ROBO2: variants seen among roughly 807,000 people sequenced by gnomAD.
ROBO2 encodes roundabout guidance receptor 2.
A neutral mutation model predicts 160.8 loss-of-function variants in ROBO2; 53 were observed. That is an observed-to-expected ratio of 0.33 (90% CI 0.26 to 0.41). The LOEUF is 0.41. Ranked by LOEUF, ROBO2 falls within the 10% of genes least tolerant of loss-of-function variation. The probability of loss-of-function intolerance (pLI) is 1.00; values close to 1 mark genes in which losing one functional copy is unlikely to be tolerated. For missense variants in ROBO2, 1,577 were observed against 1,722.4 expected, an observed-to-expected ratio of 0.92 and a Z score of 1.49; for synonymous variants, 664 against 611.7, an observed-to-expected ratio of 1.09 and a Z score of -1.26.
At chr3:77,150,757 G>T (rs1009157149) in intron 2 of ROBO2, among the ~76,000 whole-genome samples, 1 of 151,512 alleles carries the variant, frequency 6.6e-6, no homozygotes, top group African/African-American at 2.4e-5. Flanking sequence ...AAGAACACTG[G>T]CTCCCTACTT....
chr3:77,146,973 C>CA (rs2077170715), intron 2 of ROBO2, among the ~76,000 whole-genome samples: 1 of 151,660 alleles, frequency 6.6e-6, no homozygotes, highest in African/African-American at 2.4e-5. Context: ...TCTCAAAAAA[C>CA]AAAAAACAAA....
intron 2 of ROBO2, among the ~76,000 whole-genome samples, chr3:76,692,184 CA>C (rs1245896287): frequency 6.6e-6 from 1 of 152,092 alleles, no homozygotes; most frequent in Non-Finnish European, 1.5e-5. Flanking sequence ...ACTGAATGAT[CA>C]GGGGAGAGGG....
chr3:77,420,099 A>G (rs1461875215), intron 2 of ROBO2, among the ~76,000 whole-genome samples: 2 of 152,158 alleles, frequency 1.3e-5, no homozygotes, highest in Non-Finnish European at 2.9e-5. Context: ...ACATTAAAAA[A>G]AAATTCTTTA....
intron 17 of ROBO2, among the ~76,000 whole-genome samples, chr3:77,589,145 G>A (rs2094124347): frequency 6.6e-6 from 1 of 152,042 alleles, no homozygotes; most frequent in Admixed American, 6.6e-5. Context: ...TAGCTCCAGT[G>A]AAGCATAACA....
intron 2 of ROBO2, among the ~76,000 whole-genome samples, chr3:76,706,146 G>T (rs1266278041): frequency 6.6e-6 from 1 of 151,982 alleles, no homozygotes; most frequent in Non-Finnish European, 1.5e-5. Context: ...TATTAAGAAA[G>T]CACCTCAATA....
At chr3:76,235,607 A>T (rs1485688360) in intron 2 of ROBO2, among the ~76,000 whole-genome samples, 1 of 152,190 alleles carries the variant, frequency 6.6e-6, no homozygotes, top group Non-Finnish European at 1.5e-5. Context: ...AAGTCAACTT[A>T]AAGAGACATA....
At chr3:77,418,687 C>T (rs974873090) in intron 2 of ROBO2, among the ~76,000 whole-genome samples, 2 of 152,074 alleles carry the variant, frequency 1.3e-5, no homozygotes, top group Non-Finnish European at 2.9e-5. Flanking sequence ...AAAGGCCTAA[C>T]CTGCCTTTTC....
intron 2 of ROBO2, among the ~76,000 whole-genome samples, chr3:76,017,350 T>C (rs1171112168): frequency 1.3e-5 from 2 of 152,140 alleles, no homozygotes; most frequent in South Asian, 2.1e-4. Context: ...ATGGAATATA[T>C]ATTGAATATA....
At chr3:77,014,243 G>A (rs112758493) in intron 2 of ROBO2, among the ~76,000 whole-genome samples, 109 of 152,224 alleles carry the variant, frequency 7.2e-4, no homozygotes, top group African/African-American at 2.5e-3. Context: ...AATTGTCCCT[G>A]TCTCTTATTC....
chr3:76,303,117 GA>G (rs1318067667), intron 2 of ROBO2, among the ~76,000 whole-genome samples: 1 of 151,856 alleles, frequency 6.6e-6, no homozygotes, highest in African/African-American at 2.4e-5. Context: ...TATCTCAGAT[GA>G]AAAAAAGAAT....
chr3:77,209,072 C>T (rs4684019), intron 2 of ROBO2, among the ~76,000 whole-genome samples: 66,487 of 151,942 alleles, frequency 0.44, 15,049 homozygotes, highest in Middle Eastern at 0.61. Flanking sequence ...AAAGCAGGCA[C>T]GATCTTCTAA....
intron 2 of ROBO2, among the ~76,000 whole-genome samples, chr3:77,330,381 G>A (rs965428501): frequency 4.6e-5 from 7 of 152,138 alleles, no homozygotes; most frequent in African/African-American, 1.4e-4. Context: ...AGTCTGGTGT[G>A]GTGGCACATG....
chr3:76,970,004 G>T (rs534338440), intron 2 of ROBO2, among the ~76,000 whole-genome samples: 11 of 152,262 alleles, frequency 7.2e-5, no homozygotes, highest in African/African-American at 2.6e-4. Context: ...TGGTTCAAAA[G>T]TTCAGAATGC....
intron 6 of ROBO2, among the ~76,000 whole-genome samples, chr3:77,541,534 A>C (rs1223177749): frequency 6.6e-6 from 1 of 152,234 alleles, no homozygotes; most frequent in East Asian, 1.9e-4. Context: ...GAACTGTCCC[A>C]GACCTCTAAT....
chr3:76,849,703 T>C (rs1253847370), intron 2 of ROBO2, among the ~76,000 whole-genome samples: 1 of 152,036 alleles, frequency 6.6e-6, no homozygotes, highest in Non-Finnish European at 1.5e-5. Flanking sequence ...ATAGTGAGAG[T>C]GATGAATTAA....
At chr3:77,022,891 C>T (rs915558441) in intron 2 of ROBO2, among the ~76,000 whole-genome samples, 3 of 152,118 alleles carry the variant, frequency 2.0e-5, no homozygotes, top group African/African-American at 7.2e-5. Flanking sequence ...CATCCACCTC[C>T]GGAATGTTTT....
intron 2 of ROBO2, among the ~76,000 whole-genome samples, chr3:77,205,600 G>A (rs907546720): frequency 6.6e-6 from 1 of 152,058 alleles, no homozygotes; most frequent in African/African-American, 2.4e-5. Flanking sequence ...ATCCAGACTT[G>A]AGGGTGGGGC....
chr3:76,504,105 T>C (rs1028779842), intron 2 of ROBO2, among the ~76,000 whole-genome samples: 7 of 152,178 alleles, frequency 4.6e-5, no homozygotes, highest in African/African-American at 1.7e-4. Flanking sequence ...CAAACGACAA[T>C]GATTTAAATT....
At chr3:76,337,326 TA>T (rs1271528709) in intron 2 of ROBO2, among the ~76,000 whole-genome samples, 1 of 152,180 alleles carries the variant, frequency 6.6e-6, no homozygotes, top group Non-Finnish European at 1.5e-5. Context: ...TAATAATACG[TA>T]AACACTATTG....
Sources: gnomAD v4.1 joint callset for allele counts (sites outside exome capture counted in the v4.1 genomes callset) on GRCh38, gnomAD v4.1.1 for gene constraint, MANE v1.5 for transcripts, NCBI Gene and HGNC (gene_info 2026-07-23, HGNC 2026-07-21) for gene names.